MYO1A: variants seen among roughly 807,000 people sequenced by gnomAD.
The protein encoded by MYO1A is unconventional myosin-Ia.
Under a neutral mutation model 138.5 loss-of-function variants are expected in MYO1A, and 127 were observed. The observed-to-expected ratio is 0.92, with a 90% CI of 0.79 to 1.06. The LOEUF (loss-of-function observed/expected upper bound fraction) is 1.06, where lower values mean the gene tolerates loss of function less well. Ranked by LOEUF, MYO1A falls within the 50% of genes least tolerant of loss-of-function variation. The pLI is 0.00. For synonymous variants in MYO1A, 477 were observed against 497.5 expected, an observed-to-expected ratio of 0.96 and a Z score of 0.55; for missense variants, 1,211 against 1,288.8, an observed-to-expected ratio of 0.94 and a Z score of 0.92.
intron 14 of MYO1A, 72 bp from the exon 15 acceptor site, chr12:57,039,346 C>T (rs1180675333): frequency 8.7e-7 from 1 of 1,152,890 alleles, no homozygotes; most frequent in South Asian, 1.2e-5. Context: ...CCAGATCTAG[C>T]CTTTCACCCA....
Position 57,041,169 on chromosome 12 carries a change from A to G in MYO1A, c.1269+15T>C. ...AAGTTGTTTAAGAGGGGGAAGTAGA[A>G]AAGACTTGGTTTACTTCTCTCTTAT... On this transcript the variant is annotated intron_variant, in intron 14 of 27. Coordinates refer to ENST00000300119, the MANE Select transcript of MYO1A (RefSeq NM_005379.4). 1 of 1,598,558 alleles carries G rather than the reference A, an allele frequency of 6.3e-7. No individual in the cohort carries two copies. The highest frequency in any genetic ancestry group is 1.7e-5 in the Admixed American group (1 of 60,010).
chr12:57,029,259 T>C lies in MYO1A; in HGVS notation c.2878A>G (p.Met960Val), dbSNP rs2030137882. 6.2e-7 allele frequency: 1 copy of C among 1,613,872 alleles called. No homozygotes were observed. The highest frequency in any genetic ancestry group is 8.5e-7 in the Non-Finnish European group (1 of 1,179,996). ...TCCCCCTTGGAGCCCACCGATGACA[T>C]CTTAGGAAGAGGGAAAAATAGCAGG... ...DGLFSLHLSE[M>V]SSVGSKGDFL... is the part of the protein sequence containing the mutation. Residue 960 changes from methionine to valine, a missense_variant and splice_region_variant, in exon 27 of 28, where the codon ATG (methionine) becomes GTG (valine). By Grantham distance (21) the Met-to-Val change is conservative. Coordinates refer to ENST00000300119, the MANE Select transcript of MYO1A (RefSeq NM_005379.4).
At chr12:57,032,871 G>T (rs2030353472) in intron 22 of MYO1A, among the ~76,000 whole-genome samples, 1 of 152,082 alleles carries the variant, frequency 6.6e-6, no homozygotes, top group African/African-American at 2.4e-5. Context: ...TTATTATTTT[G>T]AAAGTTTTTT....
At chr12:57,028,959 T>C (rs2030119951) in intron 27 of MYO1A, 78 bp from the exon 28 acceptor site, 1 of 1,596,320 alleles carries the variant, frequency 6.3e-7, no homozygotes, top group Non-Finnish European at 8.6e-7. Context: ...GGCCCCCCCA[T>C]CATGCGAGTC....
chr12:57,033,442 C>T (rs1406592464), intron 22 of MYO1A, among the ~76,000 whole-genome samples: 1 of 152,128 alleles, frequency 6.6e-6, no homozygotes, highest in African/African-American at 2.4e-5. Flanking sequence ...CAGCCTTGCC[C>T]GCCTCCTGGG....
At position 57,036,829 on chromosome 12, in the gene MYO1A, G is replaced by C. The variant is rs1461656883; in HGVS notation, c.2217C>G (p.Cys739Trp). ...ACACGGATGCCTTTATCTTCCCATA[G>C]CATTTCTTTTGCTGTAGAAAACATA... ...SWFRGNMQKK[C>W]YGKIKASVLL... The change falls in exon 21 of 28, where the codon TGC becomes TGG. Residue 739 changes from cysteine to tryptophan, a missense_variant. Transcript: ENST00000300119. 1 of 1,614,170 alleles carries C rather than the reference G, an allele frequency of 6.2e-7. No homozygotes were observed. Among genetic ancestry groups the C allele is most frequent in the Middle Eastern group, 1.6e-4 (1 of 6,062 alleles).
chr12:57,039,989 G>T (rs554519566), intron 14 of MYO1A, among the ~76,000 whole-genome samples: 8 of 152,194 alleles, frequency 5.3e-5, no homozygotes, highest in Non-Finnish European at 1.0e-4. Flanking sequence ...AAAGATAATC[G>T]TTCTCTACTT....
chr12:57,029,253 A>ATGACATCT lies in MYO1A; in HGVS notation c.2878-2_2883dup (p.Ser962ArgfsTer18), dbSNP rs1397604519. 2 of 1,614,010 alleles carry ATGACATCT rather than the reference A, an allele frequency of 1.2e-6. No homozygotes were observed. The highest frequency in any genetic ancestry group is 1.7e-6 in the Non-Finnish European group (2 of 1,180,006). ...AGGAAGTCCCCCTTGGAGCCCACCG[A>ATGACATCT]TGACATCTTAGGAAGAGGGAAAAAT... On this transcript the variant is annotated frameshift_variant, in exon 27 of 28. Transcript: ENST00000300119. LOFTEE classifies it high-confidence loss of function.
rs568337245 is a variant in MYO1A, at chr12:57,041,219, T to C, written c.1234A>G (p.Thr412Ala). ...TATTCCTCTTGCTCTTCTTTCAGGG[T>C]CATCTCTATGAACACCTGCTGCAGC... ...EKLQQVFIEMTLKEEQEEYKR... is the reference protein window; with the variant it reads ...EKLQQVFIEMALKEEQEEYKR... Residue 412 changes from threonine to alanine, a missense_variant, in exon 14 of 28, where the codon ACC becomes GCC. Transcript: ENST00000300119. 8 of 1,613,760 alleles carry C rather than the reference T, an allele frequency of 5.0e-6. No homozygotes were observed. In the South Asian group the frequency reaches 6.6e-5, roughly 13 times the overall value.
Position 57,047,338 on chromosome 12 carries a change from T to A in MYO1A, c.395A>T (p.Lys132Met). The A allele has an allele frequency of 6.2e-7, 1 of 1,614,168 alleles. No homozygotes were observed. The highest frequency in any genetic ancestry group is 1.1e-5 in the South Asian group (1 of 91,080). Residue 132 changes from lysine to methionine, a missense_variant, in exon 5 of 28, where the codon AAG becomes ATG. Transcript: ENST00000300119. ...CGKGEQVNSV[K>M]EQLLQSNPVL... ...TGGGTTAGACTGTAGCAGCTGCTCCTTCACAGAGTTCACCTGCTCTCCTTT... is the reference window on the plus strand; with the variant it reads ...TGGGTTAGACTGTAGCAGCTGCTCCATCACAGAGTTCACCTGCTCTCCTTT...
At position 57,046,945 on chromosome 12, in the gene MYO1A, G is replaced by T. The variant is rs111526338; in HGVS notation, c.478-19C>A. On this transcript the variant is annotated intron_variant, in intron 6 of 27. Coordinates refer to ENST00000300119, the MANE Select transcript of MYO1A (RefSeq NM_005379.4). ...ATTTTCCCTTCAGAGAGAGACCAGAGAGAGAGACTTAGCTTCTTCCTCTTC... is the reference window on the plus strand; with the variant it reads ...ATTTTCCCTTCAGAGAGAGACCAGATAGAGAGACTTAGCTTCTTCCTCTTC... 26 of 1,613,790 alleles carry T rather than the reference G, an allele frequency of 1.6e-5. No individual in the cohort carries two copies. The highest frequency in any genetic ancestry group is 1.3e-4 in the African/African-American group (10 of 75,030).
chr12:57,043,986 A>T lies in MYO1A; in HGVS notation c.762T>A (p.Ile254=). 1.2e-6 allele frequency: 2 copies of T among 1,614,176 alleles called. No homozygotes were observed. Among genetic ancestry groups the T allele is most frequent in the Non-Finnish European group, 1.7e-6 (2 of 1,180,018 alleles). ...FRAVQSAMAV[I]GFSEEEIRQV... Reference sequence around the variant, plus strand: ...GTCGAATCTCCTCCTCCGAGAACCCAATCACTGCCATTGCACTCTTAGGCA... The same window carrying T: ...GTCGAATCTCCTCCTCCGAGAACCCTATCACTGCCATTGCACTCTTAGGCA... The change falls in exon 10 of 28, where the codon ATT becomes ATA. Residue 254 remains isoleucine (I), a synonymous_variant. Transcript: ENST00000300119.
chr12:57,049,547 A>C (rs1187405101), intron 1 of MYO1A, among the ~76,000 whole-genome samples: 1 of 152,222 alleles, frequency 6.6e-6, no homozygotes, highest in African/African-American at 2.4e-5. Context: ...GAATATCAAT[A>C]ATAGCAGTCT....
chr12:57,047,220 G>A, intron 5 of MYO1A, 83 bp downstream of exon 5: 1 of 1,574,224 alleles, frequency 6.4e-7, no homozygotes, highest in South Asian at 1.1e-5. Context: ...AGGTGATTTT[G>A]CAGCACTGGG....
In MYO1A at chr12:57,043,872, G is replaced by A; in HGVS notation, c.876C>T (p.Gly292=). 6.2e-7 allele frequency: 1 copy of A among 1,614,130 alleles called. No homozygotes were observed. Among genetic ancestry groups the A allele is most frequent in the South Asian group, 1.1e-5 (1 of 91,074 alleles). ...GATGCAGACCTCTCCCATCACGGAT[G>A]CCACTTGCTGGTATCCCACTGGCCT... ...EFQASGIPAS[G]IRDGRGVREI... Residue 292 remains glycine, a synonymous_variant, in exon 10 of 28, where the codon GGC becomes GGT. Coordinates refer to ENST00000300119, the MANE Select transcript of MYO1A (RefSeq NM_005379.4).
rs2031110458 is a variant in MYO1A at position 57,046,724 on chromosome 12, T to C, written c.542-74A>G. 1.7e-5 allele frequency: 25 copies of C among 1,486,412 alleles called. No individual in the cohort carries two copies. In the South Asian group the frequency reaches 2.8e-4, roughly 17 times the overall value. 92.1% of individuals were successfully genotyped at this position (1,486,412 alleles called of 1,614,324 possible). On this transcript the variant is annotated intron_variant, in intron 7 of 27. Coordinates refer to ENST00000300119, the MANE Select transcript of MYO1A (RefSeq NM_005379.4). The stretch of plus-strand genomic sequence containing the variant: ...TAGCTTCTCCAGCCCTACTGGAGAA[T>C]GCCCCCATCGCCGGCATTCCTAGTG...
At position 57,029,826 on chromosome 12, in the gene MYO1A, G is replaced by T; in HGVS notation, c.2638C>A (p.Pro880Thr). The change falls in exon 25 of 28, where the codon CCC becomes ACC. Residue 880 changes from proline (P) to threonine (T), a missense_variant. Coordinates refer to ENST00000300119, the MANE Select transcript of MYO1A (RefSeq NM_005379.4). ...CCGCCTTTCAGCTTCTGCAGCTTGG[G>T]GTTCCCTTGCAGCCCAATGTAGTCA... ...CGDYIGLQGN[P>T]KLQKLKGGEE... The T allele has an allele frequency of 6.2e-7, 1 of 1,614,174 alleles. No homozygotes were observed. The highest frequency in any genetic ancestry group is 2.2e-5 in the East Asian group (1 of 44,860).
chr12:57,029,827 G>A lies in MYO1A; in HGVS notation c.2637C>T (p.Asn879=), dbSNP rs907259051. The A allele has an allele frequency of 1.2e-6, 2 of 1,614,150 alleles. No individual in the cohort carries two copies. The highest frequency in any genetic ancestry group is 3.3e-5 in the Admixed American group (2 of 60,026). ...FCGDYIGLQG[N]PKLQKLKGGE... is the part of the protein sequence containing the mutation. Reference sequence around the variant, plus strand: ...CGCCTTTCAGCTTCTGCAGCTTGGGGTTCCCTTGCAGCCCAATGTAGTCAC... The same window carrying A: ...CGCCTTTCAGCTTCTGCAGCTTGGGATTCCCTTGCAGCCCAATGTAGTCAC... Residue 879 remains asparagine (N), a synonymous_variant, in exon 25 of 28, where the codon AAC becomes AAT. Transcript: ENST00000300119.
At chr12:57,036,477 T>C (rs1278722307) in intron 21 of MYO1A, 96 bp from the exon 22 acceptor site, 2 of 1,250,936 alleles carry the variant, frequency 1.6e-6, no homozygotes, top group African/African-American at 1.5e-5. Context: ...CTGAGTAAGA[T>C]AAAGAGCTGA....
Sources: allele counts gnomAD v4.1 joint callset (sites outside exome capture counted in the v4.1 genomes callset), GRCh38; gene constraint gnomAD v4.1.1; transcripts MANE v1.5; gene names NCBI Gene and HGNC (gene_info 2026-07-23, HGNC 2026-07-21).